ZNF638: variants seen among roughly 807,000 people sequenced by gnomAD.
ZNF638 encodes the protein zinc finger protein 638, also known as CTCL tumor antigen se33-1.
A neutral mutation model predicts 195.6 loss-of-function variants in ZNF638; 46 were observed. The ratio of observed to expected loss-of-function variants is 0.24; its 90% CI spans 0.19 to 0.30. The LOEUF is 0.30. Among genes scored for constraint, ZNF638 ranks in the 10% least tolerant of loss-of-function variants. The pLI, the probability that ZNF638 is intolerant of heterozygous loss-of-function variation, is 1.00. For synonymous variants in ZNF638, 845 were observed against 772.0 expected (o/e 1.09, Z -1.57); for missense variants, 2,440 against 2,325.3 (o/e 1.05, Z -1.01).
intron 15 of ZNF638, among the ~76,000 whole-genome samples, chr2:71,400,723 A>G (rs1397400220): frequency 6.6e-6 from 1 of 152,188 alleles, no homozygotes; most frequent in Admixed American, 6.5e-5. Context: ...AGAGTAAGTC[A>G]CAAAAAGTAG....
intron 1 of ZNF638, among the ~76,000 whole-genome samples, chr2:71,338,160 G>C (rs2078703461): frequency 6.6e-6 from 1 of 152,092 alleles, no homozygotes; most frequent in African/African-American, 2.4e-5. Flanking sequence ...TTAATCTCTG[G>C]AGAGACGTTT....
intron 21 of ZNF638, among the ~76,000 whole-genome samples, chr2:71,420,436 C>T (rs928933281): frequency 2.0e-5 from 3 of 152,288 alleles, no homozygotes; most frequent in Non-Finnish European, 4.4e-5. Flanking sequence ...AATTCATTAA[C>T]ATTAGGAAGT....
intron 3 of ZNF638, among the ~76,000 whole-genome samples, chr2:71,358,496 G>C (rs1430417304): frequency 1.3e-5 from 2 of 152,220 alleles, no homozygotes; most frequent in Non-Finnish European, 1.5e-5. Context: ...ATGCTGGTAA[G>C]AACTGCAACT....
chr2:71,363,938 GC>G lies in ZNF638; in HGVS notation c.1419-10del, dbSNP rs748555084. 3.3e-5 allele frequency: 52 copies of G among 1,588,088 alleles called. No individual in the cohort carries two copies. Among genetic ancestry groups the G allele is most frequent in the Middle Eastern group, 1.7e-4 (1 of 5,906 alleles). On this transcript the variant is annotated splice_polypyrimidine_tract_variant and intron_variant, in intron 4 of 27. Coordinates refer to ENST00000264447, the MANE Select transcript of ZNF638 (RefSeq NM_014497.5). ...TAAATTGCTGATCACTTTCTTTTCC[GC>G]CCCCCTGCTTGTAGAAATGAGGGCA... is the stretch of plus-strand genomic sequence containing the variant.
chr2:71,363,102 C>T (rs1439797708), intron 3 of ZNF638, 51 bp from the exon 4 acceptor site: 2 of 1,314,332 alleles, frequency 1.5e-6, no homozygotes, highest in Admixed American at 1.9e-5. Flanking sequence ...ATTAATTGAG[C>T]CTTACAGTCT....
chr2:71,375,125 A>G (rs560463711), intron 8 of ZNF638: 10 of 152,316 alleles, frequency 6.6e-5, no homozygotes, highest in African/African-American at 2.2e-4. Flanking sequence ...AGAGTAACCT[A>G]TCATCCTAGT....
At chr2:71,334,934 A>C (rs550430090) in intron 1 of ZNF638, among the ~76,000 whole-genome samples, 1 of 151,782 alleles carries the variant, frequency 6.6e-6, no homozygotes, top group East Asian at 1.9e-4. Flanking sequence ...AAAAAAAAAC[A>C]AAAAAAACTC....
At chr2:71,404,349 A>C (rs544997622) in intron 17 of ZNF638, among the ~76,000 whole-genome samples, 1 of 151,912 alleles carries the variant, frequency 6.6e-6, no homozygotes, top group Non-Finnish European at 1.5e-5. Flanking sequence ...GTTCCTTGTA[A>C]ATCTTGTTTA....
At chr2:71,332,136 G>A (rs11676449) in intron 1 of ZNF638, among the ~76,000 whole-genome samples, 1 of 152,234 alleles carries the variant, frequency 6.6e-6, no homozygotes, top group African/African-American at 2.4e-5. Flanking sequence ...TACTCGTGAA[G>A]GACCCTGCCT....
intron 3 of ZNF638, among the ~76,000 whole-genome samples, chr2:71,357,681 C>G (rs975271123): frequency 1.3e-5 from 2 of 152,040 alleles, no homozygotes; most frequent in Non-Finnish European, 2.9e-5. Flanking sequence ...TTATTTTTTT[C>G]ATACATGTAG....
intron 11 of ZNF638, among the ~76,000 whole-genome samples, chr2:71,397,473 A>AT (rs1482200279): frequency 6.6e-6 from 1 of 152,128 alleles, no homozygotes; most frequent in South Asian, 2.1e-4. Flanking sequence ...CTTTCAGTTG[A>AT]TTTTTTTAGA....
intron 23 of ZNF638, among the ~76,000 whole-genome samples, chr2:71,425,305 T>C (rs770435246): frequency 2.0e-5 from 3 of 152,146 alleles, no homozygotes; most frequent in Non-Finnish European, 4.4e-5. Flanking sequence ...TGTTACTAGT[T>C]TTAAGCAGAA....
At chr2:71,381,063 T>A (rs1031199300) in intron 10 of ZNF638, among the ~76,000 whole-genome samples, 12 of 152,124 alleles carry the variant, frequency 7.9e-5, no homozygotes, top group Non-Finnish European at 1.8e-4. Context: ...TCATTATGAA[T>A]CCAGTTAAAT....
At chr2:71,343,799 C>CA (rs2078804390) in intron 1 of ZNF638, among the ~76,000 whole-genome samples, 1 of 152,168 alleles carries the variant, frequency 6.6e-6, no homozygotes, top group Admixed American at 6.5e-5. Flanking sequence ...CAAAAAAACT[C>CA]ACGTTTTCCT....
intron 10 of ZNF638, among the ~76,000 whole-genome samples, chr2:71,389,896 C>A (rs2079735373): frequency 6.6e-6 from 1 of 152,158 alleles, no homozygotes; most frequent in Non-Finnish European, 1.5e-5. Flanking sequence ...AGAGGAAAGG[C>A]AGTTACGGCC....
chr2:71,406,355 C>G, intron 19 of ZNF638, 93 bp downstream of exon 19: 1 of 1,123,730 alleles, frequency 8.9e-7, no homozygotes, highest in Non-Finnish European at 1.3e-6. Flanking sequence ...ATCTGAAGCA[C>G]CTGTAAATAT....
intron 1 of ZNF638, among the ~76,000 whole-genome samples, chr2:71,346,917 G>T (rs556667355): frequency 1.3e-5 from 2 of 152,096 alleles, no homozygotes; most frequent in South Asian, 4.2e-4. Context: ...CCAGCTACTC[G>T]GGAGGCTGAG....
Position 71,364,205 on chromosome 2 carries a change from G to T in ZNF638, c.1670G>T (p.Arg557Leu), listed in dbSNP as rs1288923117. The stretch of plus-strand genomic sequence containing the variant: ...TTTAGAGGTAGTCCAAAATGCTTTC[G>T]ATCAGTTAGCCCTGAGAGGATGTCA... Reference protein sequence around the residue: ...NPFRGSPKCFRSVSPERMSRR... With the variant: ...NPFRGSPKCFLSVSPERMSRR... The change falls in exon 5 of 28, where the codon CGA becomes CTA. Residue 557 changes from arginine to leucine, a missense_variant. Coordinates refer to ENST00000264447, the MANE Select transcript of ZNF638 (RefSeq NM_014497.5). The T allele has an allele frequency of 6.2e-7, 1 of 1,614,174 alleles. No homozygotes were observed. The highest frequency in any genetic ancestry group is 8.5e-7 in the Non-Finnish European group (1 of 1,180,032).
chr2:71,426,441 A>G lies in ZNF638; in HGVS notation c.4591-19A>G, dbSNP rs1232179044. 2 of 1,533,904 alleles carry G rather than the reference A, an allele frequency of 1.3e-6. No individual in the cohort carries two copies. Among genetic ancestry groups the G allele is most frequent in the Non-Finnish European group, 1.7e-6 (2 of 1,144,044 alleles). On this transcript the variant is annotated intron_variant, in intron 23 of 27. Transcript: ENST00000264447. ...GTCAAAATTTGTTTACAATACTATG[A>G]TTTTTAACTTTCCAACAGGAGCCAT...
Sources: gnomAD v4.1 joint callset for allele counts (sites outside exome capture counted in the v4.1 genomes callset) on GRCh38, gnomAD v4.1.1 for gene constraint, MANE v1.5 for transcripts, NCBI Gene and HGNC (gene_info 2026-07-23, HGNC 2026-07-21) for gene names.